CELF2: variants seen among roughly 807,000 people sequenced by gnomAD.
CELF2 encodes the protein CUGBP Elav-like family member 2.
A neutral mutation model predicts 62.6 loss-of-function variants in CELF2; 8 were observed. That is an observed-to-expected ratio of 0.13 (90% CI 0.07 to 0.23). CELF2 has a LOEUF of 0.23. Ranked by LOEUF, CELF2 falls within the 10% of genes least tolerant of loss-of-function variation. The pLI, the probability that CELF2 is intolerant of heterozygous loss-of-function variation, is 1.00. For missense variants in CELF2, 333 were observed against 671.0 expected (o/e 0.50, Z 5.56); for synonymous variants, 258 against 250.0 (o/e 1.03, Z -0.30).
Position 10,815,904 on chromosome 10 carries a change from G to GTTTT in CELF2, c.53+17099_53+17102dup, listed in dbSNP as rs33926226. 4.5e-4 allele frequency among the ~76,000 whole-genome samples: 60 copies of GTTTT among 132,636 alleles called. 1 individual carries two copies. The South Asian group carries it at 0.011, about 25-fold the overall frequency. The allele number at this position is 132,636 out of a possible 152,430, so 87.0% of individuals were successfully genotyped here. A position where few individuals can be genotyped will look rare whatever the true frequency, so the allele number is the denominator to read the frequency against. On this transcript the variant is annotated intron_variant, in intron 1 of 13. Transcript: ENST00000636488. ...TATTTCATAGCTTGGGGTTTGGGTT[G>GTTTT]TTTTTTTTTTTTTTTGCCCCATAAA...
intron 1 of CELF2, among the ~76,000 whole-genome samples, chr10:10,919,184 C>T (rs988813610): frequency 1.3e-5 from 2 of 151,844 alleles, no homozygotes; most frequent in African/African-American, 4.8e-5. Flanking sequence ...GCACGAGAAT[C>T]GCTGGAACCC....
the CELF2 span, among the ~76,000 whole-genome samples, chr10:10,787,076 C>A: frequency 6.6e-6 from 1 of 152,146 alleles, no homozygotes; most frequent in Admixed American, 6.5e-5. Context: ...TGTGTTAGAA[C>A]TTTAATATGT....
the CELF2 span, among the ~76,000 whole-genome samples, chr10:10,476,965 C>T: frequency 5.3e-5 from 8 of 151,680 alleles, no homozygotes; most frequent in South Asian, 2.1e-4. Context: ...TTATAAGGAC[C>T]GACAATGTAA....
intron 1 of CELF2, among the ~76,000 whole-genome samples, chr10:11,028,258 C>G (rs1564431539): frequency 6.6e-6 from 1 of 152,058 alleles, no homozygotes. Flanking sequence ...GGCAGTATCT[C>G]CACGTGGTCC....
chr10:11,077,609 T>C (rs1287275169), intron 1 of CELF2, among the ~76,000 whole-genome samples: 1 of 152,196 alleles, frequency 6.6e-6, no homozygotes, highest in Non-Finnish European at 1.5e-5. Flanking sequence ...CTATTATTAC[T>C]TTTATCAGCA....
rs1223804773 is a variant in CELF2 at position 11,224,782 on chromosome 10, G to A, written c.354+7275G>A. ...CCAGGTGAAGTGCGCTCGTGAGTTC[G>A]GAGCCTGGAGCTTTAGGCCACACAA... On this transcript the variant is annotated intron_variant, in intron 3 of 12. Transcript: ENST00000633077. This position sits in a 1 kb window ranked among gnomAD's most constrained non-coding sequence, Gnocchi z 4.5. 3.9e-5 allele frequency among the ~76,000 whole-genome samples: 6 copies of A among 152,094 alleles called. No individual in the cohort carries two copies. The highest frequency in any genetic ancestry group is 1.9e-4 in the East Asian group (1 of 5,188).
At position 11,214,986 on chromosome 10, in the gene CELF2, T is replaced by C. The variant is rs1287010453; in HGVS notation, c.272-2439T>C. On this transcript the variant is annotated intron_variant, in intron 2 of 12. Transcript: ENST00000633077. This position sits in a 1 kb window ranked among gnomAD's most constrained non-coding sequence, Gnocchi z 4.2. ...CACCTGCCATCCCACCCTGCTTAGA[T>C]ACCAGCTTCAATCTGTCCGTTTCTG... 6.6e-6 allele frequency among the ~76,000 whole-genome samples: 1 copy of C among 152,224 alleles called. No individual in the cohort carries two copies. Among genetic ancestry groups the C allele is most frequent in the African/African-American group, 2.4e-5 (1 of 41,460 alleles).
the CELF2 span, among the ~76,000 whole-genome samples, chr10:10,625,394 G>T: frequency 6.6e-6 from 1 of 152,156 alleles, no homozygotes; most frequent in Non-Finnish European, 1.5e-5. Flanking sequence ...CTTTTATAAC[G>T]TACTTTAGTG....
chr10:11,128,057 A>G (rs560336006), intron 1 of CELF2, among the ~76,000 whole-genome samples: 96 of 152,272 alleles, frequency 6.3e-4, no homozygotes, highest in Non-Finnish European at 1.2e-3. Context: ...TAATTTTTGT[A>G]TAAGTTGTAA....
At chr10:11,275,144 C>T (rs1484271453) in intron 8 of CELF2, 24 bp downstream of exon 8, 2 of 1,612,296 alleles carry the variant, frequency 1.2e-6, no homozygotes, top group Non-Finnish European at 1.7e-6. Flanking sequence ...CACGCCTCTC[C>T]TTTTGACCGT....
chr10:10,739,857 C>A, the CELF2 span, among the ~76,000 whole-genome samples: 5 of 152,148 alleles, frequency 3.3e-5, no homozygotes, highest in African/African-American at 1.2e-4. Flanking sequence ...TGTTGAGCAC[C>A]TTTTCGAGAC....
At chr10:10,596,364 C>G in the CELF2 span, among the ~76,000 whole-genome samples, 2 of 152,152 alleles carry the variant, frequency 1.3e-5, no homozygotes, top group East Asian at 3.8e-4. Context: ...GGGTTTAGAA[C>G]ATGGTTGCAG....
chr10:10,624,677 TAC>T, the CELF2 span, among the ~76,000 whole-genome samples: 1 of 152,212 alleles, frequency 6.6e-6, no homozygotes. Flanking sequence ...CCCTGGGAGA[TAC>T]AGTCTCAGAT....
chr10:10,954,255 T>C (rs886319007), intron 2 of CELF2, among the ~76,000 whole-genome samples: 1 of 113,422 alleles, frequency 8.8e-6, no homozygotes, highest in Non-Finnish European at 1.9e-5. Flanking sequence ...TTATTATTAT[T>C]ATTATTTTGA....
At chr10:10,772,946 A>G in the CELF2 span, among the ~76,000 whole-genome samples, 1 of 152,232 alleles carries the variant, frequency 6.6e-6, no homozygotes, top group African/African-American at 2.4e-5. Context: ...TAATTTTTAT[A>G]TAGTAGAAGA....
At chr10:10,802,855 A>G (rs566991298) in intron 1 of CELF2, among the ~76,000 whole-genome samples, 2 of 152,176 alleles carry the variant, frequency 1.3e-5, no homozygotes, top group African/African-American at 2.4e-5. Flanking sequence ...AGCTCAGTCC[A>G]ATTGCATGCC....
Position 11,324,627 on chromosome 10 carries a change from A to G in CELF2, c.1295-1209A>G, listed in dbSNP as rs2095627984. Among the ~76,000 whole-genome samples the G allele has an allele frequency of 6.6e-6, 1 of 152,236 alleles. No homozygotes were observed. ...TGTGGCTTCCATAGTTTGCCTCAAG[A>G]AGTTTTCTTTGTGAAAAGTCCCAAT... On this transcript the variant is annotated intron_variant, in intron 11 of 12. Coordinates refer to ENST00000633077, the MANE Select transcript of CELF2 (RefSeq NM_001326342.2). This position sits in a 1 kb window ranked among gnomAD's most constrained non-coding sequence, Gnocchi z 4.7.
At chr10:10,544,792 G>T in the CELF2 span, among the ~76,000 whole-genome samples, 1 of 152,202 alleles carries the variant, frequency 6.6e-6, no homozygotes, top group South Asian at 2.1e-4. Flanking sequence ...AACAGAGAAG[G>T]AAGAGTAAGG....
chr10:11,073,029 A>G (rs918500339), intron 1 of CELF2, among the ~76,000 whole-genome samples: 1 of 152,058 alleles, frequency 6.6e-6, no homozygotes, highest in African/African-American at 2.4e-5. Flanking sequence ...ACAACATACT[A>G]CTAATACAAG....
Sources: allele counts gnomAD v4.1 joint callset (sites outside exome capture counted in the v4.1 genomes callset), GRCh38; gene constraint gnomAD v4.1.1; non-coding constraint Gnocchi (gnomAD v3.1); transcripts MANE v1.5; gene names NCBI Gene and HGNC (gene_info 2026-07-23, HGNC 2026-07-21).